CASZ1: variants seen among roughly 807,000 people sequenced by gnomAD.
CASZ1 encodes zinc finger protein castor homolog 1.
A neutral mutation model predicts 135.2 loss-of-function variants in CASZ1; 28 were observed. The ratio of observed to expected loss-of-function variants is 0.21; its 90% CI spans 0.15 to 0.28. The LOEUF is 0.28. CASZ1 is among the 10% of genes least tolerant of loss of function. CASZ1 has a pLI of 1.00. For missense variants in CASZ1, 2,161 were observed against 2,453.3 expected (o/e 0.88, Z 2.52); for synonymous variants, 1,068 against 1,073.4 (o/e 0.99, Z 0.10).
rs1640659980 is a variant in CASZ1 at position 10,776,250 on chromosome 1, T to C, written c.-233-15393A>G. On this transcript the variant is annotated intron_variant, in intron 1 of 20. Transcript: ENST00000377022. The surrounding 1 kb of genome is among the most constrained non-coding windows in gnomAD (Gnocchi z 4.1). ...AACATAGAGCGAGCAGTGTTTGCTA[T>C]TACATTCAATTACCTTTTTACTTGA... Among the ~76,000 whole-genome samples, 1 of 152,216 alleles carries C rather than the reference T, an allele frequency of 6.6e-6. No homozygotes were observed. Among genetic ancestry groups the C allele is most frequent in the South Asian group, 2.1e-4 (1 of 4,828 alleles).
chr1:10,742,720 A>G (rs1184471888), intron 2 of CASZ1, among the ~76,000 whole-genome samples: 1 of 152,172 alleles, frequency 6.6e-6, no homozygotes, highest in African/African-American at 2.4e-5. Context: ...GTGGTGGCTC[A>G]TGCCTGTAAT....
At chr1:10,640,507 C>T (rs1386819728) in intron 20 of CASZ1, among the ~76,000 whole-genome samples, 1 of 152,232 alleles carries the variant, frequency 6.6e-6, no homozygotes, top group Admixed American at 6.5e-5. Context: ...TTCCCGCCGG[C>T]TACCCGGCTT....
rs529757176 is a variant in CASZ1 at position 10,721,728 on chromosome 1, G to A, written c.-76-16184C>T. 1.1e-3 allele frequency among the ~76,000 whole-genome samples: 163 copies of A among 152,338 alleles called. No individual in the cohort carries two copies. The highest frequency in any genetic ancestry group is 3.8e-3 in the African/African-American group (157 of 41,574). On this transcript the variant is annotated intron_variant, in intron 2 of 20. Coordinates refer to ENST00000377022, the MANE Select transcript of CASZ1 (RefSeq NM_001079843.3). The surrounding 1 kb of genome is among the most constrained non-coding windows in gnomAD (Gnocchi z 5.4). ...CCGACCTGCAAACCAGGAAGTGGAC[G>A]GCCCCAGCCTCTATCGGATCTGGCA...
At chr1:10,787,362 G>A (rs576411226) in intron 1 of CASZ1, among the ~76,000 whole-genome samples, 11 of 152,232 alleles carry the variant, frequency 7.2e-5, no homozygotes, top group South Asian at 4.2e-4. Flanking sequence ...GTCTCACCCC[G>A]TCCCCCGATC....
At chr1:10,658,755 G>A (rs558647607) in intron 6 of CASZ1, among the ~76,000 whole-genome samples, 179 bp from the exon 7 acceptor site, 3 of 152,346 alleles carry the variant, frequency 2.0e-5, no homozygotes, top group East Asian at 1.9e-4. Context: ...GAGGTTCAAC[G>A]AGCCCAACTC....
chr1:10,673,467 A>G (rs1643471451), intron 4 of CASZ1, among the ~76,000 whole-genome samples: 1 of 151,362 alleles, frequency 6.6e-6, no homozygotes, highest in Admixed American at 6.6e-5. Flanking sequence ...GCGTGCACGC[A>G]CACACACTCT....
intron 2 of CASZ1, among the ~76,000 whole-genome samples, chr1:10,715,951 C>T (rs1639379862): frequency 7.1e-6 from 1 of 141,548 alleles, no homozygotes; most frequent in East Asian, 2.2e-4. Context: ...ACCCAATCCA[C>T]ACCCCACAGC....
rs1570523073 is a variant in CASZ1, at chr1:10,721,072, A to G, written c.-76-15528T>C. On this transcript the variant is annotated intron_variant, in intron 2 of 20. Coordinates refer to ENST00000377022, the MANE Select transcript of CASZ1 (RefSeq NM_001079843.3). This position sits in a 1 kb window ranked among gnomAD's most constrained non-coding sequence, Gnocchi z 5.4. ...CTGGTGGGGGTCCCTTTTGTACAGG[A>G]GCCAAGCTGGGCTCCTGGGCCTCAG... is the stretch of plus-strand genomic sequence containing the variant. Among the ~76,000 whole-genome samples the G allele has an allele frequency of 6.6e-6, 1 of 152,218 alleles. No homozygotes were observed. The highest frequency in any genetic ancestry group is 6.5e-5 in the Admixed American group (1 of 15,306).
intron 2 of CASZ1, among the ~76,000 whole-genome samples, chr1:10,758,713 G>A (rs1006736912): frequency 2.6e-5 from 4 of 152,132 alleles, no homozygotes; most frequent in African/African-American, 7.2e-5. Context: ...AGCCAGACAG[G>A]GTCAGGCCTG....
In CASZ1 at chr1:10,767,869, C is replaced by T. The variant is rs184495642; in HGVS notation, c.-233-7012G>A. On this transcript the variant is annotated intron_variant, in intron 1 of 20. Transcript: ENST00000377022. The surrounding 1 kb of genome is among the most constrained non-coding windows in gnomAD (Gnocchi z 4.2). The stretch of plus-strand genomic sequence containing the variant: ...AGCCCTCGGCCCATGAGGAGGGCCA[C>T]GACCCTGGCATCACCCCAGTCCCCC... 5.7e-4 allele frequency among the ~76,000 whole-genome samples: 86 copies of T among 151,986 alleles called. No homozygotes were observed. The highest frequency in any genetic ancestry group is 5.4e-3 in the Admixed American group (82 of 15,274).
chr1:10,740,960 C>CAAAACAAA (rs1639906539), intron 2 of CASZ1, among the ~76,000 whole-genome samples: 1 of 61,462 alleles, frequency 1.6e-5, no homozygotes, highest in Non-Finnish European at 2.9e-5. Context: ...CCTGTCTGGA[C>CAAAACAAA]AAAAAAAAAA....
At chr1:10,796,206 A>C (rs1241601393) in intron 1 of CASZ1, among the ~76,000 whole-genome samples, 1 of 145,256 alleles carries the variant, frequency 6.9e-6, no homozygotes, top group Non-Finnish European at 1.5e-5. Flanking sequence ...CTTCTCCCCT[A>C]CCCCGCCACC....
chr1:10,767,721 A>G lies in CASZ1; in HGVS notation c.-233-6864T>C, dbSNP rs1640501950. ...GATAATCGATAGAGCCCGTAATGAA[A>G]ATCTGAGCCATATTTTATGACCCAC... On this transcript the variant is annotated intron_variant, in intron 1 of 20. Transcript: ENST00000377022. This position sits in a 1 kb window ranked among gnomAD's most constrained non-coding sequence, Gnocchi z 4.2. Among the ~76,000 whole-genome samples, 1 of 152,172 alleles carries G rather than the reference A, an allele frequency of 6.6e-6. No homozygotes were observed. The highest frequency in any genetic ancestry group is 1.5e-5 in the Non-Finnish European group (1 of 68,026).
intron 2 of CASZ1, among the ~76,000 whole-genome samples, chr1:10,748,815 C>A (rs771365254): frequency 9.9e-5 from 15 of 152,258 alleles, no homozygotes; most frequent in Non-Finnish European, 2.1e-4. Flanking sequence ...CCATGCCCTG[C>A]CATGATGGCC....
intron 4 of CASZ1, among the ~76,000 whole-genome samples, chr1:10,678,184 C>T (rs944197934): frequency 6.6e-6 from 1 of 152,178 alleles, no homozygotes; most frequent in African/African-American, 2.4e-5. Flanking sequence ...CACGGGGTGG[C>T]ACACCACCCG....
intron 1 of CASZ1, among the ~76,000 whole-genome samples, chr1:10,795,678 T>G (rs1430978471): frequency 6.6e-6 from 1 of 152,150 alleles, no homozygotes; most frequent in Non-Finnish European, 1.5e-5. Context: ...CCCCGTGCCC[T>G]GTGTTGCCAG....
rs185863 is a variant in CASZ1 at position 10,700,398 on chromosome 1, G to T, written c.-24+5094C>A. On this transcript the variant is annotated intron_variant, in intron 3 of 20. Transcript: ENST00000377022. The surrounding 1 kb of genome is among the most constrained non-coding windows in gnomAD (Gnocchi z 4.2). ...CCAAGGGAGGGGTCCCAGGAGGGGA[G>T]GCCCGCTGTCCTTATGGGAGGTGTG... Among the ~76,000 whole-genome samples, 9,230 of 152,302 alleles carry T rather than the reference G, an allele frequency of 0.061. 845 individuals carry two copies. Among genetic ancestry groups the T allele is most frequent in the African/African-American group, 0.2 (8,101 of 41,532 alleles).
intron 15 of CASZ1, 139 bp from the exon 16 acceptor site, chr1:10,648,278 T>C (rs1290464984): frequency 3.1e-6 from 2 of 646,260 alleles, no homozygotes; most frequent in Non-Finnish European, 5.2e-6. Context: ...AAGTCCCCTG[T>C]GACCCCACCA....
At chr1:10,642,760 G>A (rs761999008) in intron 20 of CASZ1, 99 bp downstream of exon 20, 53 of 1,379,208 alleles carry the variant, frequency 3.8e-5, no homozygotes, top group Middle Eastern at 2.5e-4. Flanking sequence ...CCTCCTCGGA[G>A]GCCGCGTGCC....
Sources: gnomAD v4.1 joint callset for allele counts (sites outside exome capture counted in the v4.1 genomes callset) on GRCh38, gnomAD v4.1.1 for gene constraint, Gnocchi (gnomAD v3.1) non-coding constraint, MANE v1.5 for transcripts, NCBI Gene and HGNC (gene_info 2026-07-23, HGNC 2026-07-21) for gene names.